Variants in IL7 observed in about 807,000 individuals in gnomAD.
IL7 encodes the protein interleukin-7.
Under a neutral mutation model 21.6 loss-of-function variants are expected in IL7, and 3 were observed. The observed-to-expected ratio is 0.14, with a 90% confidence interval of 0.06 to 0.36. IL7 has a LOEUF of 0.36. Among genes scored for constraint, IL7 ranks in the 10% least tolerant of loss-of-function variants. The pLI, the probability that IL7 is intolerant of heterozygous loss-of-function variation, is 1.00. For missense variants in IL7, 175 were observed against 200.2 expected (o/e 0.87, Z 0.76); for synonymous variants, 62 against 68.1 (o/e 0.91, Z 0.44).
intron 2 of IL7, among the ~76,000 whole-genome samples, chr8:78,770,122 TG>T (rs1380587321): frequency 1.3e-5 from 2 of 152,180 alleles, no homozygotes; most frequent in Non-Finnish European, 2.9e-5. Context: ...GACATAGGCA[TG>T]GGCAAGAGCT....
intron 2 of IL7, among the ~76,000 whole-genome samples, chr8:78,779,183 C>T (rs1001539440): frequency 2.6e-5 from 4 of 151,970 alleles, no homozygotes; most frequent in Non-Finnish European, 4.4e-5. Context: ...ATCACATCAT[C>T]GGCAAACAGT....
At chr8:78,735,472 G>A (rs1228722430) in intron 5 of IL7, among the ~76,000 whole-genome samples, 3 of 151,588 alleles carry the variant, frequency 2.0e-5, no homozygotes, top group African/African-American at 7.3e-5. Context: ...ACCACGCCCA[G>A]CTAATTTTTG....
chr8:78,675,928 A>T, exon 5 of IL7: 1 of 1,395,746 alleles, frequency 7.2e-7, no homozygotes, highest in Admixed American at 1.8e-5. Context: ...AATTCTGGTC[A>T]ATTCTCATGG....
At chr8:78,689,181 G>C in intron 3 of IL7, 1 of 1,367,564 alleles carries the variant, frequency 7.3e-7, no homozygotes, top group Middle Eastern at 2.1e-4. Flanking sequence ...TCCGTTTCAA[G>C]TACTATGCTA....
At chr8:78,715,338 G>C, downstream of IL7, 1 of 1,598,868 alleles carries the variant, frequency 6.3e-7, no homozygotes, top group Non-Finnish European at 8.5e-7. Flanking sequence ...GGTATGTTTA[G>C]CTCTGCTCTC....
chr8:78,722,514 A>G (rs1016130944), intron 3 of IL7, among the ~76,000 whole-genome samples: 12 of 152,020 alleles, frequency 7.9e-5, no homozygotes, highest in Non-Finnish European at 1.5e-4. Flanking sequence ...TGTCTTTGGT[A>G]TAGAAACCAC....
intron 2 of IL7, among the ~76,000 whole-genome samples, chr8:78,769,688 T>G (rs1182469703): frequency 6.6e-6 from 1 of 151,954 alleles, no homozygotes; most frequent in African/African-American, 2.4e-5. Flanking sequence ...AAACTACTTT[T>G]AAGTTCATAT....
chr8:78,711,011 C>T (rs1810934580), intron 3 of IL7, among the ~76,000 whole-genome samples: 1 of 152,104 alleles, frequency 6.6e-6, no homozygotes, highest in African/African-American at 2.4e-5. Context: ...TCAGATCTAT[C>T]TTATTTACCA....
chr8:78,741,087 G>T (rs530068196), intron 2 of IL7, among the ~76,000 whole-genome samples: 1 of 152,160 alleles, frequency 6.6e-6, no homozygotes, highest in African/African-American at 2.4e-5. Context: ...AGGATAAGAA[G>T]TGGAGCAATG....
intron 1 of IL7, among the ~76,000 whole-genome samples, chr8:78,802,344 TA>T (rs950857740): frequency 5.3e-5 from 8 of 152,158 alleles, no homozygotes; most frequent in African/African-American, 1.7e-4. Flanking sequence ...AAGAAGTAGG[TA>T]AGTACTACAA....
intron 2 of IL7, among the ~76,000 whole-genome samples, chr8:78,775,152 A>G (rs1200363020): frequency 6.6e-6 from 1 of 152,050 alleles, no homozygotes; most frequent in Admixed American, 6.6e-5. Context: ...TATTTTATTA[A>G]TTTACTTTAA....
chr8:78,747,507 C>G (rs1812023048), intron 2 of IL7, among the ~76,000 whole-genome samples: 1 of 151,986 alleles, frequency 6.6e-6, no homozygotes, highest in Non-Finnish European at 1.5e-5. Flanking sequence ...TTTAGGGGGC[C>G]TTTTAAAATG....
chr8:78,781,210 A>T (rs1172406470), intron 2 of IL7, among the ~76,000 whole-genome samples: 5 of 152,156 alleles, frequency 3.3e-5, no homozygotes, highest in African/African-American at 4.8e-5. Flanking sequence ...CATTTAGGCC[A>T]TTTACATTTA....
At chr8:78,789,635 AG>A (rs1813620174) in intron 2 of IL7, among the ~76,000 whole-genome samples, 1 of 152,232 alleles carries the variant, frequency 6.6e-6, no homozygotes, top group South Asian at 2.1e-4. Context: ...CCAGATGCAC[AG>A]GGGAGGCAGG....
At chr8:78,728,737 G>A (rs1457604359), downstream of IL7, among the ~76,000 whole-genome samples, 1 of 151,914 alleles carries the variant, frequency 6.6e-6, no homozygotes, top group African/African-American at 2.4e-5. Context: ...AGTACTTGGG[G>A]GGAGGAGATC....
chr8:78,742,251 G>A (rs1207233397), intron 2 of IL7, among the ~76,000 whole-genome samples: 1 of 152,118 alleles, frequency 6.6e-6, no homozygotes. Context: ...TTGAACCTGG[G>A]AGGCGGAGCT....
At chr8:78,741,421 CAT>C (rs1425539609) in intron 2 of IL7, among the ~76,000 whole-genome samples, 2 of 152,214 alleles carry the variant, frequency 1.3e-5, no homozygotes, top group Admixed American at 6.5e-5. Context: ...TTTGATAAAA[CAT>C]AGAGTATTTA....
At chr8:78,693,683 G>A (rs1292902192) in intron 3 of IL7, among the ~76,000 whole-genome samples, 1 of 152,036 alleles carries the variant, frequency 6.6e-6, no homozygotes, top group Non-Finnish European at 1.5e-5. Context: ...TCTGTAGGTT[G>A]CCTGTTCGCT....
intron 3 of IL7, among the ~76,000 whole-genome samples, chr8:78,710,988 A>G (rs2130601413): frequency 6.6e-6 from 1 of 152,228 alleles, no homozygotes; most frequent in East Asian, 1.9e-4. Context: ...ACTAAACTCC[A>G]TAAGAACAGG....
Sources: gnomAD v4.1 joint callset for allele counts (sites outside exome capture counted in the v4.1 genomes callset) on GRCh38, gnomAD v4.1.1 for gene constraint, MANE v1.5 for transcripts, NCBI Gene and HGNC (gene_info 2026-07-23, HGNC 2026-07-21) for gene names.